The following DDX1 variants were observed in gnomAD, a reference collection of about 807,000 sequenced individuals.
DDX1 encodes the protein DEAD-box helicase 1.
In DDX1, 28 loss-of-function variants were observed where a neutral mutation model predicts 108.7. The ratio of observed to expected loss-of-function variants is 0.26; its 90% CI spans 0.19 to 0.35. The LOEUF (loss-of-function observed/expected upper bound fraction) is 0.35. DDX1 is among the 10% of genes least tolerant of loss of function. DDX1 has a pLI of 1.00. For synonymous variants in DDX1, 295 were observed against 288.9 expected (o/e 1.02, Z -0.21); for missense variants, 710 against 884.5 (o/e 0.80, Z 2.50).
chr2:15,630,972 G>T lies in DDX1; in HGVS notation c.*66G>T, dbSNP rs142728576. On this transcript the variant is annotated 3_prime_UTR_variant, in exon 26 of 26. Transcript: ENST00000233084. Reference sequence around the variant, plus strand: ...GTAGTCTTAAAACTCTAAAACAGTTGTACTGCTTCCAAGCAGCAGTATTTA... The same window carrying T: ...GTAGTCTTAAAACTCTAAAACAGTTTTACTGCTTCCAAGCAGCAGTATTTA... The T allele has an allele frequency of 5.7e-5, 86 of 1,496,440 alleles. No homozygotes were observed. The East Asian group carries it at 1.9e-3, about 34-fold the overall frequency. 92.7% of individuals were successfully genotyped at this position (1,496,440 alleles called of 1,614,324 possible).
chr2:15,594,013 G>A (rs1665461057), intron 1 of DDX1, among the ~76,000 whole-genome samples: 1 of 151,890 alleles, frequency 6.6e-6, no homozygotes, highest in Non-Finnish European at 1.5e-5. Flanking sequence ...GGGAGACGGA[G>A]TTTGCAGTGA....
chr2:15,604,034 C>A, intron 9 of DDX1, 144 bp downstream of exon 9: 1 of 593,562 alleles, frequency 1.7e-6, no homozygotes, highest in Non-Finnish European at 2.9e-6. Context: ...TGGATTTGGA[C>A]TTTAGTGAAG....
At chr2:15,602,223 C>T (rs1343847129) in intron 6 of DDX1, among the ~76,000 whole-genome samples, 1 of 152,196 alleles carries the variant, frequency 6.6e-6, no homozygotes, top group African/African-American at 2.4e-5. Flanking sequence ...GGTGCAACTA[C>T]TATTAGTGCA....
chr2:15,597,507 A>C, intron 5 of DDX1, 36 bp downstream of exon 5: 2 of 1,348,842 alleles, frequency 1.5e-6, no homozygotes, highest in Non-Finnish European at 2.1e-6. Context: ...TTTTATATAA[A>C]TCATTGGTTC....
intron 25 of DDX1, 44 bp downstream of exon 25, chr2:15,630,154 A>G: frequency 6.2e-7 from 1 of 1,601,670 alleles, no homozygotes; most frequent in Non-Finnish European, 8.5e-7. Context: ...ATGTAAATAT[A>G]CCTGTTTTGA....
chr2:15,604,842 T>C (rs1665639290), intron 10 of DDX1, among the ~76,000 whole-genome samples: 2 of 152,154 alleles, frequency 1.3e-5, no homozygotes. Context: ...TGCTTTTGTG[T>C]AGGGCAGTCA....
chr2:15,620,922 T>C (rs1665994238), intron 17 of DDX1, 143 bp from the exon 18 acceptor site: 1 of 521,566 alleles, frequency 1.9e-6, no homozygotes, highest in African/African-American at 2.0e-5. Context: ...AAGAATGATT[T>C]TGCCTACAGA....
intron 16 of DDX1, 86 bp downstream of exon 16, chr2:15,618,356 T>G: frequency 1.3e-6 from 1 of 742,200 alleles, no homozygotes; most frequent in Non-Finnish European, 2.3e-6. Context: ...GTTGCTTTTC[T>G]GGCTGGAAAC....
chr2:15,602,478 A>AG, intron 6 of DDX1, 70 bp from the exon 7 acceptor site: 1 of 1,057,192 alleles, frequency 9.5e-7, no homozygotes, highest in East Asian at 2.4e-5. Context: ...TTTTGGTGGT[A>AG]GGGGGTGGGA....
chr2:15,612,897 C>T (rs946182736), intron 13 of DDX1, among the ~76,000 whole-genome samples: 2 of 151,612 alleles, frequency 1.3e-5, no homozygotes, highest in African/African-American at 4.8e-5. Context: ...ATCGCAGGCA[C>T]TCGGCAAGCT....
chr2:15,601,137 ACT>A (rs1180403430), intron 6 of DDX1, among the ~76,000 whole-genome samples: 4 of 152,002 alleles, frequency 2.6e-5, no homozygotes, highest in African/African-American at 9.7e-5. Flanking sequence ...TTCCCTGTAT[ACT>A]CTCTCAGCAT....
At chr2:15,613,508 G>A (rs2148744675) in intron 14 of DDX1, among the ~76,000 whole-genome samples, 1 of 152,250 alleles carries the variant, frequency 6.6e-6, no homozygotes, top group Middle Eastern at 3.4e-3. Flanking sequence ...ATGATTTTTT[G>A]TTGTTTACCC....
intron 10 of DDX1, 79 bp downstream of exon 10, chr2:15,604,588 G>GT: frequency 1.1e-6 from 1 of 940,846 alleles, no homozygotes; most frequent in South Asian, 1.4e-5. Flanking sequence ...CCCCCACCCT[G>GT]TTTTTCAAAT....
intron 13 of DDX1, among the ~76,000 whole-genome samples, chr2:15,608,610 A>G (rs1665704139): frequency 6.8e-6 from 1 of 147,932 alleles, no homozygotes; most frequent in South Asian, 2.1e-4. Context: ...CCACTATCAA[A>G]TTTCAGAAGC....
rs761430597 is a variant in DDX1 at position 15,628,716 on chromosome 2, T to G, written c.1832+6T>G. ...AGAGTAGGAAGAGCTGAAAGGTACT[T>G]CTGCAATTTTTTTTCCCCCATTTTT... is the stretch of plus-strand genomic sequence containing the variant. On this transcript the variant is annotated splice_donor_region_variant and intron_variant, in intron 22 of 25. Coordinates refer to ENST00000233084, the MANE Select transcript of DDX1 (RefSeq NM_004939.3). 1.9e-6 allele frequency: 3 copies of G among 1,604,044 alleles called. No homozygotes were observed. The highest frequency in any genetic ancestry group is 2.5e-6 in the Non-Finnish European group (3 of 1,178,310).
intron 19 of DDX1, among the ~76,000 whole-genome samples, chr2:15,624,233 C>T (rs1184363842): frequency 6.6e-6 from 1 of 152,052 alleles, no homozygotes; most frequent in Non-Finnish European, 1.5e-5. Flanking sequence ...GCCAGTCTAG[C>T]TATATTAATA....
intron 1 of DDX1, 152 bp downstream of exon 1, chr2:15,592,101 C>G: frequency 1.3e-6 from 1 of 745,364 alleles, no homozygotes; most frequent in South Asian, 4.7e-5. Flanking sequence ...ACCCGCGTTG[C>G]GGGATCAGGG....
At chr2:15,625,167 A>C (rs1204662809) in intron 19 of DDX1, among the ~76,000 whole-genome samples, 1 of 152,174 alleles carries the variant, frequency 6.6e-6, no homozygotes, top group Non-Finnish European at 1.5e-5. Context: ...TGATGGATGA[A>C]TCTCAGAAAC....
At chr2:15,618,893 G>A (rs553098986) in intron 16 of DDX1, among the ~76,000 whole-genome samples, 18 of 152,384 alleles carry the variant, frequency 1.2e-4, no homozygotes, top group South Asian at 1.0e-3. Context: ...CCAAGCTTGA[G>A]ACAGTGCCCA....
Sources: gnomAD v4.1 joint callset for allele counts (sites outside exome capture counted in the v4.1 genomes callset) on GRCh38, gnomAD v4.1.1 for gene constraint, MANE v1.5 for transcripts, NCBI Gene and HGNC (gene_info 2026-07-23, HGNC 2026-07-21) for gene names.